MAST2: variants seen among roughly 807,000 people sequenced by gnomAD.
MAST2 encodes microtubule associated serine/threonine kinase 2.
A neutral mutation model predicts 147.4 loss-of-function variants in MAST2; 70 were observed. That is an observed-to-expected ratio of 0.47 (90% CI 0.39 to 0.58). The LOEUF (loss-of-function observed/expected upper bound fraction) is 0.58, where lower values mean the gene tolerates loss of function less well. Among genes scored for constraint, MAST2 ranks in the 20% least tolerant of loss-of-function variants. The probability of loss-of-function intolerance (pLI) is 0.00; values close to 1 mark genes in which losing one functional copy is unlikely to be tolerated. For synonymous variants in MAST2, 869 were observed against 896.8 expected, an observed-to-expected ratio of 0.97 and a Z score of 0.55; for missense variants, 2,080 against 2,302.3, an observed-to-expected ratio of 0.90 and a Z score of 1.98.
intron 4 of MAST2, among the ~76,000 whole-genome samples, chr1:45,922,632 G>A (rs1400627569): frequency 2.0e-5 from 3 of 152,194 alleles, no homozygotes; most frequent in African/African-American, 4.8e-5. Context: ...TAGCGGGAGC[G>A]GACGATTCTG....
At chr1:45,883,694 A>G (rs1191172788) in intron 4 of MAST2, among the ~76,000 whole-genome samples, 1 of 152,120 alleles carries the variant, frequency 6.6e-6, no homozygotes, top group African/African-American at 2.4e-5. Flanking sequence ...GATGAATTCT[A>G]TTATTTAAGA....
rs1191688357 is a variant in MAST2, at chr1:45,811,235, C to T, written c.177+7163C>T. Among the ~76,000 whole-genome samples the T allele has an allele frequency of 6.3e-4, 95 of 150,692 alleles. 1 individual carries two copies. The highest frequency in any genetic ancestry group is 5.2e-4 in the Non-Finnish European group (35 of 67,734). Reference sequence around the variant, plus strand: ...AGGCTGGAGTGCGATGGCACGATCTCGGCTCACTGCAGCCTCCCCCTGTGG... The same window carrying T: ...AGGCTGGAGTGCGATGGCACGATCTTGGCTCACTGCAGCCTCCCCCTGTGG... On this transcript the variant is annotated intron_variant, in intron 1 of 28. Coordinates refer to ENST00000361297, the MANE Select transcript of MAST2 (RefSeq NM_015112.3).
intron 16 of MAST2, among the ~76,000 whole-genome samples, chr1:46,027,014 C>G (rs1346339643): frequency 6.6e-6 from 1 of 152,228 alleles, no homozygotes; most frequent in East Asian, 1.9e-4. Context: ...CAACAGATAA[C>G]CAAAATTATT....
chr1:45,913,700 A>G (rs1428581150), intron 4 of MAST2: 4 of 1,022,550 alleles, frequency 3.9e-6, no homozygotes, highest in Non-Finnish European at 3.5e-6. Context: ...GAAGAAAAGT[A>G]CTTTAATTTT....
chr1:45,927,101 A>T (rs1654495980), intron 4 of MAST2, among the ~76,000 whole-genome samples: 1 of 152,188 alleles, frequency 6.6e-6, no homozygotes, highest in Non-Finnish European at 1.5e-5. Flanking sequence ...GCAAGTTTTT[A>T]TTAGGGATTT....
At chr1:45,983,806 G>T (rs1644506722) in intron 5 of MAST2, among the ~76,000 whole-genome samples, 1 of 152,142 alleles carries the variant, frequency 6.6e-6, no homozygotes, top group Admixed American at 6.5e-5. Context: ...AACTTTTTCT[G>T]TGCTAACAAG....
At chr1:45,923,660 A>G (rs1360423742) in intron 4 of MAST2, among the ~76,000 whole-genome samples, 1 of 152,152 alleles carries the variant, frequency 6.6e-6, no homozygotes, top group Non-Finnish European at 1.5e-5. Context: ...CATTCTTAAC[A>G]ACCACACTGT....
At chr1:45,937,700 C>T (rs1480842479) in intron 4 of MAST2, among the ~76,000 whole-genome samples, 6 of 133,178 alleles carry the variant, frequency 4.5e-5, no homozygotes, top group African/African-American at 1.2e-4. Context: ...TGCAGTGAGC[C>T]GAGATCACAC....
Position 46,031,419 on chromosome 1 carries a change from A to C in MAST2, c.3021A>C (p.Ser1007=), listed in dbSNP as rs1262175240. 6.2e-7 allele frequency: 1 copy of C among 1,613,838 alleles called. No homozygotes were observed. Among genetic ancestry groups the C allele is most frequent in the Non-Finnish European group, 8.5e-7 (1 of 1,179,840 alleles). ...PAMETRGRGT[S]QLAEGATAKA... Reference sequence around the variant, plus strand: ...TGGAGACCCGAGGCCGTGGGACCTCACAGCTGGCTGAGGGAGCCACAGCCA... The same window carrying C: ...TGGAGACCCGAGGCCGTGGGACCTCCCAGCTGGCTGAGGGAGCCACAGCCA... Residue 1007 remains serine, a synonymous_variant, in exon 24 of 29, where the codon TCA becomes TCC. Coordinates refer to ENST00000361297, the MANE Select transcript of MAST2 (RefSeq NM_015112.3). The surrounding 1 kb of genome is among the most constrained non-coding windows in gnomAD (Gnocchi z 4.1).
intron 3 of MAST2, among the ~76,000 whole-genome samples, chr1:45,864,476 C>T (rs941407777): frequency 1.3e-5 from 2 of 152,132 alleles, no homozygotes; most frequent in African/African-American, 4.8e-5. Context: ...CTGACAGTAT[C>T]GAAAGAATCT....
chr1:45,819,665 C>G (rs1252812863), intron 1 of MAST2, among the ~76,000 whole-genome samples: 3 of 151,958 alleles, frequency 2.0e-5, no homozygotes, highest in African/African-American at 7.3e-5. Flanking sequence ...CTAATGAAAA[C>G]TATTAAACAC....
At chr1:45,993,374 CTCTG>C (rs1480211068) in intron 5 of MAST2, among the ~76,000 whole-genome samples, 3 of 151,618 alleles carry the variant, frequency 2.0e-5, no homozygotes, top group Non-Finnish European at 4.4e-5. Flanking sequence ...TATTTTTTAC[CTCTG>C]TCTTTTAAAA....
chr1:46,031,028 GTC>G lies in MAST2; in HGVS notation c.2732_2733del (p.Ser911Ter). ...PEILRKRLSV[S>X]ESSHTESDSS... ...ATAGATTACGGAAGCGGCTGTCGGT[GTC>G]TGAGTCATCCCACACAGAGAGTGAC... On this transcript the variant is annotated frameshift_variant, in exon 23 of 29. Transcript: ENST00000361297. LOFTEE classifies it high-confidence loss of function. The surrounding 1 kb of genome is among the most constrained non-coding windows in gnomAD (Gnocchi z 4.1). 6.2e-7 allele frequency: 1 copy of G among 1,613,702 alleles called. No homozygotes were observed. Among genetic ancestry groups the G allele is most frequent in the Non-Finnish European group, 8.5e-7 (1 of 1,179,784 alleles).
At chr1:45,957,535 C>T (rs1158467351) in intron 4 of MAST2, among the ~76,000 whole-genome samples, 1 of 152,178 alleles carries the variant, frequency 6.6e-6, no homozygotes, top group Non-Finnish European at 1.5e-5. Context: ...ATCATTGGCT[C>T]ACTGTAGCCA....
At position 46,001,531 on chromosome 1, in the gene MAST2, C is replaced by G. The variant is rs993120631; in HGVS notation, c.669-1274C>G. On this transcript the variant is annotated intron_variant, in intron 6 of 28. Transcript: ENST00000361297. ...TTTTATTGTGTGGTGCTCCCAGGAC[C>G]CAGCAAAGAGGTCAAAGAGAACATC... Among the ~76,000 whole-genome samples the G allele has an allele frequency of 7.9e-5, 12 of 152,264 alleles. No individual in the cohort carries two copies. In the East Asian group the frequency reaches 2.3e-3, roughly 29 times the overall value.
Position 46,031,166 on chromosome 1 carries a change from G to A in MAST2, c.2868G>A (p.Glu956=). 1 of 1,596,232 alleles carries A rather than the reference G, an allele frequency of 6.3e-7. No homozygotes were observed. The highest frequency in any genetic ancestry group is 8.6e-7 in the Non-Finnish European group (1 of 1,167,614). ...ASSTLRRQPQ[E]GIWVLTPPSG... The stretch of plus-strand genomic sequence containing the variant: ...GCACCCTCAGGAGGCAACCACAGGA[G>A]GGTATATGGGTCCTGACACCCCCAT... Residue 956 remains glutamate (E), a synonymous_variant, in exon 23 of 29, where the codon GAG becomes GAA. Transcript: ENST00000361297. This position sits in a 1 kb window ranked among gnomAD's most constrained non-coding sequence, Gnocchi z 4.1.
At position 46,030,772 on chromosome 1, in the gene MAST2, A is replaced by G. The variant is rs1557512285; in HGVS notation, c.2708+11A>G. ...TGGCTCCCCTGAGATGTGAGCACCC[A>G]GAGTTCACCCAGGGTGGGCGACACA... On this transcript the variant is annotated intron_variant, in intron 22 of 28. Coordinates refer to ENST00000361297, the MANE Select transcript of MAST2 (RefSeq NM_015112.3). The G allele has an allele frequency of 1.9e-6, 3 of 1,565,090 alleles. No individual in the cohort carries two copies. The highest frequency in any genetic ancestry group is 2.6e-6 in the Non-Finnish European group (3 of 1,159,982).
chr1:45,939,732 G>A (rs1424181955), intron 4 of MAST2, among the ~76,000 whole-genome samples: 1 of 152,120 alleles, frequency 6.6e-6, no homozygotes, highest in Non-Finnish European at 1.5e-5. Flanking sequence ...CCTAGAAACG[G>A]AGTTTCACCA....
chr1:45,963,394 A>C (rs1446084471), intron 5 of MAST2, among the ~76,000 whole-genome samples: 1 of 152,218 alleles, frequency 6.6e-6, no homozygotes, highest in African/African-American at 2.4e-5. Flanking sequence ...TCTATCCATG[A>C]GCATGGAATG....
Sources: allele counts gnomAD v4.1 joint callset (sites outside exome capture counted in the v4.1 genomes callset), GRCh38; gene constraint gnomAD v4.1.1; non-coding constraint Gnocchi (gnomAD v3.1); transcripts MANE v1.5; gene names NCBI Gene and HGNC (gene_info 2026-07-23, HGNC 2026-07-21).